CSK: variants seen among roughly 807,000 people sequenced by gnomAD.
The protein encoded by CSK is tyrosine-protein kinase CSK.
Under a neutral mutation model 62.3 loss-of-function variants are expected in CSK, and 7 were observed. The ratio of observed to expected loss-of-function variants is 0.11; its 90% CI spans 0.06 to 0.21. The LOEUF (loss-of-function observed/expected upper bound fraction) is 0.21, where lower values mean the gene tolerates loss of function less well. Ranked by LOEUF, CSK falls within the 10% of genes least tolerant of loss-of-function variation. CSK has a pLI of 1.00. For synonymous variants in CSK, 237 were observed against 246.0 expected (o/e 0.96, Z 0.34); for missense variants, 294 against 613.5 (o/e 0.48, Z 5.50).
intron 1 of CSK, among the ~76,000 whole-genome samples, chr15:74,794,945 C>T (rs557446483): frequency 4.6e-5 from 7 of 152,280 alleles, no homozygotes; most frequent in African/African-American, 1.7e-4. Context: ...ATGCCAGGCC[C>T]ACTTGAAACC....
At chr15:74,802,213 G>T (rs760551302) in intron 12 of CSK, 118 bp from the exon 13 acceptor site, 1 of 1,402,290 alleles carries the variant, frequency 7.1e-7, no homozygotes, top group African/African-American at 1.4e-5. Flanking sequence ...GGAGCTCACA[G>T]GCCACTCTCC....
rs558023410 is a variant in CSK, at chr15:74,798,385, G to A, written c.15+73G>A. 1.7e-5 allele frequency: 26 copies of A among 1,565,002 alleles called. No homozygotes were observed. Among genetic ancestry groups the A allele is most frequent in the Admixed American group, 3.7e-5 (2 of 54,650 alleles). ...CCAGCGGGGTGCTTAGCAGAGGAGA[G>A]AGGATGCAGCTTAGATCAACCCACT... On this transcript the variant is annotated intron_variant, in intron 2 of 12. Coordinates refer to ENST00000220003, the MANE Select transcript of CSK (RefSeq NM_004383.3). The surrounding 1 kb of genome is among the most constrained non-coding windows in gnomAD (Gnocchi z 6.6).
intron 1 of CSK, among the ~76,000 whole-genome samples, chr15:74,789,099 C>T (rs1008449992): frequency 1.3e-5 from 2 of 152,234 alleles, no homozygotes; most frequent in Non-Finnish European, 2.9e-5. Context: ...ACGGGATTTC[C>T]GGTCCCACTG....
intron 1 of CSK, among the ~76,000 whole-genome samples, chr15:74,787,616 T>G (rs1315935501): frequency 6.6e-6 from 1 of 152,024 alleles, no homozygotes; most frequent in Non-Finnish European, 1.5e-5. Context: ...TAAGATGAAG[T>G]CAGCTTCTCA....
intron 11 of CSK, 38 bp from the exon 12 acceptor site, chr15:74,801,959 C>T (rs1405334962): frequency 1.2e-6 from 2 of 1,611,314 alleles, no homozygotes; most frequent in Non-Finnish European, 1.7e-6. Flanking sequence ...ACCCTGGAGT[C>T]CCAGGATCTG....
In CSK at chr15:74,801,586, A is replaced by T. The variant is rs1365027158; in HGVS notation, c.878A>T (p.Lys293Met). The T allele has an allele frequency of 1.2e-6, 2 of 1,613,882 alleles. No individual in the cohort carries two copies. Among genetic ancestry groups the T allele is most frequent in the Non-Finnish European group, 1.7e-6 (2 of 1,179,904 alleles). Residue 293 changes from lysine (K) to methionine (M), a missense_variant, in exon 10 of 13, where the codon AAG becomes ATG. Around this residue, in one of 3 missense-constraint regions of CSK, gnomAD observed 202 missense variants for 415.7 expected, o/e 0.49. Coordinates refer to ENST00000220003, the MANE Select transcript of CSK (RefSeq NM_004383.3). The part of the protein sequence containing the change: ...RSVLGGDCLL[K>M]FSLDVCEAME... Reference sequence around the variant, plus strand: ...GTGCTGGGCGGAGACTGTCTCCTCAAGTTCTCGCTGTGAGTGAAGCAGCCT... The same window carrying T: ...GTGCTGGGCGGAGACTGTCTCCTCATGTTCTCGCTGTGAGTGAAGCAGCCT...
chr15:74,800,078 G>A (rs554898786), intron 5 of CSK, among the ~76,000 whole-genome samples: 60 of 152,298 alleles, frequency 3.9e-4, no homozygotes, highest in African/African-American at 1.3e-3. Context: ...TTGGCCTGTG[G>A]CAGGTGAGGG....
At chr15:74,784,452 A>G (rs1175457385) in intron 1 of CSK, among the ~76,000 whole-genome samples, 1 of 152,060 alleles carries the variant, frequency 6.6e-6, no homozygotes, top group Non-Finnish European at 1.5e-5. Flanking sequence ...GGTGTGATCC[A>G]GGGTCCCAGG....
intron 4 of CSK, 47 bp from the exon 5 acceptor site, chr15:74,799,225 G>A (rs762253758): frequency 4.5e-6 from 7 of 1,565,640 alleles, no homozygotes; most frequent in Non-Finnish European, 6.1e-6. Context: ...GGGAGCCAGG[G>A]TCAGTACCTT....
chr15:74,794,396 T>C (rs1255927316), intron 1 of CSK, among the ~76,000 whole-genome samples: 2 of 144,680 alleles, frequency 1.4e-5, no homozygotes, highest in African/African-American at 2.6e-5. Context: ...CAGCTTACAG[T>C]CCACAGGAGG....
chr15:74,799,070 G>T, intron 4 of CSK, 132 bp downstream of exon 4: 1 of 996,300 alleles, frequency 1.0e-6, no homozygotes, highest in Non-Finnish European at 1.5e-6. Flanking sequence ...TGCAGGGTGC[G>T]GGTGCGGGAC....
At chr15:74,789,221 G>T (rs1343734752) in intron 1 of CSK, among the ~76,000 whole-genome samples, 1 of 152,204 alleles carries the variant, frequency 6.6e-6, no homozygotes, top group East Asian at 1.9e-4. Context: ...CCGGGATGGG[G>T]GTAGGGCAGC....
intron 1 of CSK, chr15:74,791,010 T>TA (rs1445537558): frequency 6.6e-6 from 1 of 152,200 alleles, no homozygotes; most frequent in Non-Finnish European, 1.5e-5. Context: ...CATGTGGCTT[T>TA]AAAAAAATAA....
rs772495100 is a variant in CSK at position 74,801,770 on chromosome 15, G to C, written c.963G>C (p.Leu321=). Residue 321 remains leucine, a synonymous_variant, in exon 11 of 13, where the codon CTG becomes CTC. Coordinates refer to ENST00000220003, the MANE Select transcript of CSK (RefSeq NM_004383.3). The stretch of plus-strand genomic sequence containing the variant: ...GAGACCTGGCTGCCCGCAATGTGCT[G>C]GTGTCTGAGGACAACGTGGCCAAGG... ...VHRDLAARNV[L]VSEDNVAKVS... The C allele has an allele frequency of 3.7e-6, 6 of 1,614,066 alleles. No individual in the cohort carries two copies. Among genetic ancestry groups the C allele is most frequent in the South Asian group, 3.3e-5 (3 of 91,082 alleles).
Position 74,802,297 on chromosome 15 carries a change from G to A in CSK, c.1171-34G>A, listed in dbSNP as rs201397881. 9.5e-4 allele frequency: 1,481 copies of A among 1,552,530 alleles called. 6 individuals carry two copies. In the East Asian group the frequency reaches 9.6e-3, roughly 10 times the overall value. On this transcript the variant is annotated intron_variant, in intron 12 of 12. Transcript: ENST00000220003. ...GGTAGGTGTCCTCTCTGAGGCCAGGGCCTGGACTGACTCCTGCCTCCCCCT... is the reference window on the plus strand; with the variant it reads ...GGTAGGTGTCCTCTCTGAGGCCAGGACCTGGACTGACTCCTGCCTCCCCCT...
rs1358595789 is a variant in CSK at position 74,800,718 on chromosome 15, G to A, written c.594G>A (p.Leu198=). The change falls in exon 7 of 13, where the codon CTG becomes CTA. Residue 198 remains leucine (L), a synonymous_variant. Coordinates refer to ENST00000220003, the MANE Select transcript of CSK (RefSeq NM_004383.3). Reference sequence around the variant, plus strand: ...TGAACATGAAGGAGCTGAAGCTGCTGCAGACCATCGGGAAGGGGGAGTTCG... The same window carrying A: ...TGAACATGAAGGAGCTGAAGCTGCTACAGACCATCGGGAAGGGGGAGTTCG... ...WALNMKELKL[L]QTIGKGEFGD... 6.4e-7 allele frequency: 1 copy of A among 1,568,166 alleles called. No individual in the cohort carries two copies. The highest frequency in any genetic ancestry group is 2.4e-5 in the East Asian group (1 of 42,180).
Position 74,802,421 on chromosome 15 carries a change from A to T in CSK, c.1261A>T (p.Asn421Tyr). Reference sequence around the variant, plus strand: ...GCCCGCAGTCTATGAAGTCATGAAGAACTGCTGGCACCTGGACGCCGCCAT... The same window carrying T: ...GCCCGCAGTCTATGAAGTCATGAAGTACTGCTGGCACCTGGACGCCGCCAT... The part of the protein sequence containing the change: ...CPPAVYEVMK[N>Y]CWHLDAAMRP... Residue 421 changes from asparagine to tyrosine, a missense_variant, in exon 13 of 13, where the codon AAC (asparagine) becomes TAC (tyrosine). Asn to Tyr is a moderately radical substitution (Grantham distance 143). This residue lies in a region of CSK where 66 missense variants were observed against 99.3 expected (regional missense o/e 0.66). Transcript: ENST00000220003. 3 of 1,613,038 alleles carry T rather than the reference A, an allele frequency of 1.9e-6. No individual in the cohort carries two copies. Among genetic ancestry groups the T allele is most frequent in the Non-Finnish European group, 2.5e-6 (3 of 1,179,842 alleles).
At chr15:74,785,268 G>A (rs963945300) in intron 1 of CSK, among the ~76,000 whole-genome samples, 2 of 152,028 alleles carry the variant, frequency 1.3e-5, no homozygotes, top group African/African-American at 2.4e-5. Flanking sequence ...ATGGTGCTAC[G>A]CGGTCTAAGT....
chr15:74,799,241 C>G, intron 4 of CSK, 31 bp from the exon 5 acceptor site: 1 of 1,583,836 alleles, frequency 6.3e-7, no homozygotes, highest in Non-Finnish European at 8.6e-7. Flanking sequence ...ACCTTTGGGC[C>G]ACCATGACCT....
Sources: gnomAD v4.1 joint callset for allele counts (sites outside exome capture counted in the v4.1 genomes callset) on GRCh38, gnomAD v4.1.1 for gene constraint, gnomAD v4.1.1 regional missense constraint, Gnocchi (gnomAD v3.1) non-coding constraint, MANE v1.5 for transcripts, NCBI Gene and HGNC (gene_info 2026-07-23, HGNC 2026-07-21) for gene names.